Variants in KDM4B observed in about 807,000 individuals in gnomAD.
KDM4B encodes the protein lysine-specific demethylase 4B.
A neutral mutation model predicts 125.2 loss-of-function variants in KDM4B; 32 were observed. The observed-to-expected ratio is 0.26, with a 90% CI of 0.19 to 0.34. KDM4B has a LOEUF of 0.34. Ranked by LOEUF, KDM4B falls within the 10% of genes least tolerant of loss-of-function variation. The probability of loss-of-function intolerance (pLI) is 1.00; values close to 1 mark genes in which losing one functional copy is unlikely to be tolerated. For synonymous variants in KDM4B, 721 were observed against 677.9 expected, an observed-to-expected ratio of 1.06 and a Z score of -0.99; for missense variants, 1,190 against 1,577.7, an observed-to-expected ratio of 0.75 and a Z score of 4.16.
intron 22 of KDM4B, among the ~76,000 whole-genome samples, chr19:5,151,048 G>A (rs927719747): frequency 6.6e-6 from 1 of 152,194 alleles, no homozygotes; most frequent in Non-Finnish European, 1.5e-5. Flanking sequence ...CAGCTGCTCA[G>A]CCGCAGAGGG....
At chr19:5,138,155 C>CA (rs1389016553) in intron 18 of KDM4B, 85 bp downstream of exon 18, 1 of 1,037,250 alleles carries the variant, frequency 9.6e-7, no homozygotes, top group Non-Finnish European at 1.4e-6. Context: ...CGATCTGAAG[C>CA]GGTCTTTCCT....
chr19:5,147,742 CAAAA>C (rs35330966), intron 21 of KDM4B, among the ~76,000 whole-genome samples: 4 of 80,946 alleles, frequency 4.9e-5, no homozygotes, highest in Non-Finnish European at 1.0e-4. Flanking sequence ...AGCCCTGTCT[CAAAA>C]AAAAAAAAAA....
Position 5,082,974 on chromosome 19 carries a change from C to T in KDM4B, c.918+470C>T, listed in dbSNP as rs2038350553. Reference sequence around the variant, plus strand: ...GGAGCCCACTCAGGCATCTGCCCCCCTCCCTCCCTGCTCCCCTGTCAGTGG... The same window carrying T: ...GGAGCCCACTCAGGCATCTGCCCCCTTCCCTCCCTGCTCCCCTGTCAGTGG... On this transcript the variant is annotated intron_variant, in intron 9 of 22. Transcript: ENST00000159111. This position sits in a 1 kb window ranked among gnomAD's most constrained non-coding sequence, Gnocchi z 5.4. Among the ~76,000 whole-genome samples the T allele has an allele frequency of 6.6e-6, 1 of 152,216 alleles. No homozygotes were observed. Among genetic ancestry groups the T allele is most frequent in the Non-Finnish European group, 1.5e-5 (1 of 68,026 alleles).
At chr19:5,033,627 A>C (rs2036527277) in intron 3 of KDM4B, among the ~76,000 whole-genome samples, 1 of 152,204 alleles carries the variant, frequency 6.6e-6, no homozygotes, top group Admixed American at 6.5e-5. Flanking sequence ...GAGATGGCAG[A>C]GTGACTGGGT....
In KDM4B at chr19:5,134,054, A is replaced by G; in HGVS notation, c.2078A>G (p.Tyr693Cys). 6.3e-7 allele frequency: 1 copy of G among 1,585,432 alleles called. No individual in the cohort carries two copies. Among genetic ancestry groups the G allele is most frequent in the South Asian group, 1.1e-5 (1 of 90,006 alleles). Residue 693 changes from tyrosine (Y) to cysteine (C), a missense_variant, in exon 14 of 23, where the codon TAC (tyrosine) becomes TGC (cysteine). Tyr to Cys is a radical substitution (Grantham distance 194). This residue lies in a region of KDM4B where 128 missense variants were observed against 137.8 expected (regional missense o/e 0.93). Coordinates refer to ENST00000159111, the MANE Select transcript of KDM4B (RefSeq NM_015015.3). ...GCCATCTGCACGCTCTTCTACCCCT[A>G]CTGCCAGGTGGGCAGGCGGGCCTCA... ...YCAICTLFYP[Y>C]CQALQTEKEA...
rs2039208689 is a variant in KDM4B at position 5,114,154 on chromosome 19, A to T, written c.1115+3336A>T. On this transcript the variant is annotated intron_variant, in intron 10 of 22. Transcript: ENST00000159111. The surrounding 1 kb of genome is among the most constrained non-coding windows in gnomAD (Gnocchi z 5.8). Reference sequence around the variant, plus strand: ...CGGAGCCCTCACAGTGCTCTCTGGCACCCACGCGACGCTCCTCCATGCAAA... The same window carrying T: ...CGGAGCCCTCACAGTGCTCTCTGGCTCCCACGCGACGCTCCTCCATGCAAA... 1 of 1,288,238 alleles carries T rather than the reference A, an allele frequency of 7.8e-7. No homozygotes were observed. The highest frequency in any genetic ancestry group is 2.3e-5 in the Admixed American group (1 of 43,474). The allele number at this position is 1,288,238 out of a possible 1,614,324, so 79.8% of individuals were successfully genotyped here.
intron 2 of KDM4B, among the ~76,000 whole-genome samples, chr19:5,017,406 C>T (rs1166126526): frequency 6.6e-5 from 10 of 152,164 alleles, no homozygotes; most frequent in Admixed American, 6.5e-4. Context: ...TTGCCTTCTC[C>T]TCACAGTGGG....
At chr19:4,994,166 G>A (rs770278805) in intron 1 of KDM4B, among the ~76,000 whole-genome samples, 14 of 150,528 alleles carry the variant, frequency 9.3e-5, no homozygotes, top group African/African-American at 2.4e-4. Context: ...AGCTGATCTC[G>A]AACTCCTGGG....
intron 7 of KDM4B, chr19:5,074,563 C>T (rs560457342): frequency 6.6e-6 from 1 of 152,358 alleles, no homozygotes; most frequent in South Asian, 2.1e-4. Flanking sequence ...TTAAACTGTG[C>T]ATTAAAAAGA....
At chr19:4,982,967 G>T (rs948840598) in intron 1 of KDM4B, among the ~76,000 whole-genome samples, 2 of 152,120 alleles carry the variant, frequency 1.3e-5, no homozygotes, top group Admixed American at 1.3e-4. Context: ...GAACAAGCCC[G>T]TGTGTCTGAA....
At chr19:5,100,504 T>G (rs772892778) in intron 9 of KDM4B, among the ~76,000 whole-genome samples, 1 of 152,152 alleles carries the variant, frequency 6.6e-6, no homozygotes, top group African/African-American at 2.4e-5. Context: ...CATAGCTCAC[T>G]GCAGCCTCAA....
chr19:5,091,388 G>A (rs1044425333), intron 9 of KDM4B, among the ~76,000 whole-genome samples: 15 of 152,168 alleles, frequency 9.9e-5, no homozygotes, highest in African/African-American at 1.2e-4. Context: ...CAGCCTCCCC[G>A]GGGACATCTC....
intron 1 of KDM4B, among the ~76,000 whole-genome samples, chr19:4,987,666 T>A (rs562869403): frequency 6.6e-6 from 1 of 152,222 alleles, no homozygotes; most frequent in African/African-American, 2.4e-5. Context: ...ATGGCAATGC[T>A]TCTGCTGTCA....
chr19:5,027,871 T>C (rs979433748), intron 2 of KDM4B, among the ~76,000 whole-genome samples: 4 of 152,194 alleles, frequency 2.6e-5, no homozygotes. Context: ...AAGAGCTTTA[T>C]TAGATATAAT....
chr19:5,008,209 C>T (rs1228511356), intron 1 of KDM4B, among the ~76,000 whole-genome samples: 1 of 152,176 alleles, frequency 6.6e-6, no homozygotes, highest in African/African-American at 2.4e-5. Context: ...AGGTAAGGGT[C>T]CACCTTCATT....
chr19:4,972,201 G>A (rs1426594169), intron 1 of KDM4B, among the ~76,000 whole-genome samples: 1 of 152,218 alleles, frequency 6.6e-6, no homozygotes, highest in African/African-American at 2.4e-5. Context: ...CGACGTCTCT[G>A]GATCTCTGCC....
chr19:5,122,390 C>T (rs559700445), intron 11 of KDM4B, among the ~76,000 whole-genome samples: 2 of 152,146 alleles, frequency 1.3e-5, no homozygotes, highest in Non-Finnish European at 2.9e-5. Flanking sequence ...CCTTCTGCCA[C>T]GGGAGGGGAC....
chr19:5,137,529 T>C, intron 16 of KDM4B, 92 bp from the exon 17 acceptor site: 1 of 1,360,526 alleles, frequency 7.4e-7, no homozygotes, highest in East Asian at 2.4e-5. Context: ...ATAAGGGCCG[T>C]GGGCTGGGGA....
In KDM4B at chr19:5,131,296, G is replaced by A. The variant is rs2039540318; in HGVS notation, c.1536G>A (p.Glu512=). The part of the protein sequence containing the change: ...LPAPLNVVPP[E]VPSEELEAKP... ...CACCCCTTAATGTCGTGCCCCCTGA[G>A]GTGCCCAGTGAGGAGCTAGAGGCCA... The change falls in exon 12 of 23, where the codon GAG becomes GAA. Residue 512 remains glutamate (E), a synonymous_variant. Coordinates refer to ENST00000159111, the MANE Select transcript of KDM4B (RefSeq NM_015015.3). The A allele has an allele frequency of 6.2e-7, 1 of 1,612,208 alleles. No homozygotes were observed. Among genetic ancestry groups the A allele is most frequent in the African/African-American group, 1.3e-5 (1 of 74,964 alleles).
Sources: allele counts gnomAD v4.1 joint callset (sites outside exome capture counted in the v4.1 genomes callset), GRCh38; gene constraint gnomAD v4.1.1; regional missense constraint gnomAD v4.1.1; non-coding constraint Gnocchi (gnomAD v3.1); transcripts MANE v1.5; gene names NCBI Gene and HGNC (gene_info 2026-07-23, HGNC 2026-07-21).